PABPC4L: variants seen among roughly 807,000 people sequenced by gnomAD.
PABPC4L encodes polyadenylate-binding protein 4-like.
For missense variants in PABPC4L, 452 were observed against 451.4 expected (o/e 1.00, Z -0.01); for synonymous variants, 169 against 164.1 (o/e 1.03, Z -0.23).
chr4:134,147,976 T>G, the PABPC4L span, among the ~76,000 whole-genome samples: 1 of 152,196 alleles, frequency 6.6e-6, no homozygotes, highest in Middle Eastern at 3.4e-3. Flanking sequence ...CACTTCATAA[T>G]TTCACTTGAG....
At chr4:134,041,345 C>T in the PABPC4L span, among the ~76,000 whole-genome samples, 33 of 152,162 alleles carry the variant, frequency 2.2e-4, no homozygotes, top group East Asian at 6.0e-3. Flanking sequence ...CAATGGTAGA[C>T]TGGATAAAGA....
the PABPC4L span, among the ~76,000 whole-genome samples, chr4:134,024,974 G>C: frequency 3.5e-5 from 5 of 144,020 alleles, no homozygotes; most frequent in African/African-American, 1.3e-4. Flanking sequence ...ACTCTTACAG[G>C]TCTTACAGGT....
chr4:134,008,575 G>A, the PABPC4L span, among the ~76,000 whole-genome samples: 2 of 151,748 alleles, frequency 1.3e-5, no homozygotes, highest in East Asian at 3.9e-4. Flanking sequence ...ACCCTGAACA[G>A]AGGAATACAG....
the PABPC4L span, among the ~76,000 whole-genome samples, chr4:134,041,652 G>A: frequency 2.0e-5 from 3 of 151,858 alleles, no homozygotes; most frequent in Non-Finnish European, 4.4e-5. Context: ...ACCGTGGCAC[G>A]TGTATACCTA....
the PABPC4L span, among the ~76,000 whole-genome samples, chr4:134,093,097 A>G: frequency 6.6e-6 from 1 of 151,016 alleles, no homozygotes. Flanking sequence ...CCTCTCTCTC[A>G]TTCTCCCACT....
the PABPC4L span, among the ~76,000 whole-genome samples, chr4:134,141,879 T>TA: frequency 1.5e-4 from 23 of 151,704 alleles, no homozygotes; most frequent in East Asian, 3.7e-3. Context: ...GATAGACACA[T>TA]AAAAAAATCT....
At chr4:134,029,316 A>G in the PABPC4L span, among the ~76,000 whole-genome samples, 4 of 152,076 alleles carry the variant, frequency 2.6e-5, no homozygotes, top group Non-Finnish European at 5.9e-5. Flanking sequence ...AGGAGGGGCC[A>G]AGGTGACCTT....
chr4:133,960,735 G>C, the PABPC4L span, among the ~76,000 whole-genome samples: 6 of 152,164 alleles, frequency 3.9e-5, no homozygotes, highest in Non-Finnish European at 7.3e-5. Flanking sequence ...AGCATGATGG[G>C]AGTGAGACTG....
At chr4:134,109,805 G>A in the PABPC4L span, among the ~76,000 whole-genome samples, 1 of 150,474 alleles carries the variant, frequency 6.6e-6, no homozygotes, top group African/African-American at 2.4e-5. Flanking sequence ...GCAATGGCAT[G>A]GTCTCAGCTC....
chr4:134,107,958 A>C, the PABPC4L span, among the ~76,000 whole-genome samples: 1 of 151,584 alleles, frequency 6.6e-6, no homozygotes. Flanking sequence ...AGTAGAAGAG[A>C]TATGACATGG....
the PABPC4L span, among the ~76,000 whole-genome samples, chr4:133,979,857 C>CT: frequency 6.6e-6 from 1 of 152,056 alleles, no homozygotes; most frequent in Non-Finnish European, 1.5e-5. Flanking sequence ...CACAGCCTTC[C>CT]TGTCTTCCAA....
chr4:134,135,739 A>C, the PABPC4L span, among the ~76,000 whole-genome samples: 1 of 152,098 alleles, frequency 6.6e-6, no homozygotes, highest in African/African-American at 2.4e-5. Flanking sequence ...AGGCTGAGAC[A>C]GGAGAATTCC....
the PABPC4L span, among the ~76,000 whole-genome samples, chr4:134,157,027 A>G: frequency 6.6e-6 from 1 of 151,674 alleles, no homozygotes; most frequent in African/African-American, 2.4e-5. Context: ...TTTTTTTTCT[A>G]ATTTTTATTG....
the PABPC4L span, among the ~76,000 whole-genome samples, chr4:133,966,355 T>C: frequency 2.6e-5 from 4 of 152,144 alleles, no homozygotes; most frequent in African/African-American, 9.7e-5. Flanking sequence ...ACACTGTTCA[T>C]GGGAATGTAA....
chr4:133,996,620 G>A, the PABPC4L span, among the ~76,000 whole-genome samples: 5 of 152,080 alleles, frequency 3.3e-5, no homozygotes, highest in Non-Finnish European at 7.4e-5. Flanking sequence ...ATTGCAATCC[G>A]TTGCAGCATT....
chr4:134,024,593 T>G, the PABPC4L span, among the ~76,000 whole-genome samples: 1 of 152,084 alleles, frequency 6.6e-6, no homozygotes, highest in Non-Finnish European at 1.5e-5. Context: ...TAACCTCATT[T>G]AACTTTAATT....
the PABPC4L span, among the ~76,000 whole-genome samples, chr4:134,143,119 C>T: frequency 1.3e-5 from 2 of 151,464 alleles, no homozygotes; most frequent in South Asian, 4.1e-4. Context: ...AAATGCATGA[C>T]TATTTCCCTC....
chr4:134,200,905 T>C lies in PABPC4L; in HGVS notation c.115A>G (p.Ile39Val). The C allele has an allele frequency of 6.4e-7, 1 of 1,561,086 alleles. No homozygotes were observed. The part of the protein sequence containing the change: ...KFSTVGPVLS[I>V]RICRDQVTRR... ...GTGACCTGGTCCCTGCAAATGCGGA[T>C]GGACAGCACAGGCCCCACAGTGCTG... Residue 39 changes from isoleucine to valine, a missense_variant, in exon 2 of 2, where the codon ATC becomes GTC. Transcript: ENST00000421491.
At chr4:133,955,235 T>C in the PABPC4L span, among the ~76,000 whole-genome samples, 1 of 152,132 alleles carries the variant, frequency 6.6e-6, no homozygotes, top group East Asian at 1.9e-4. Flanking sequence ...GATAGTTTAA[T>C]ACTTTGGAAA....
Sources: gnomAD v4.1 joint callset for allele counts (sites outside exome capture counted in the v4.1 genomes callset) on GRCh38, gnomAD v4.1.1 for gene constraint, MANE v1.5 for transcripts, NCBI Gene and HGNC (gene_info 2026-07-23, HGNC 2026-07-21) for gene names.